The following ANGPT2 variants were observed in gnomAD, a reference collection of about 807,000 sequenced individuals.
ANGPT2 encodes angiopoietin-2.
ANGPT2 carries 28 observed loss-of-function variants against 62.9 expected under a neutral mutation model. The ratio of observed to expected loss-of-function variants is 0.44; its 90% CI spans 0.33 to 0.61. ANGPT2 has a LOEUF of 0.61. Among genes scored for constraint, ANGPT2 ranks in the 20% least tolerant of loss-of-function variants. The pLI is 0.03. For synonymous variants in ANGPT2, 284 were observed against 207.8 expected (o/e 1.37, Z -3.15); for missense variants, 727 against 594.9 (o/e 1.22, Z -2.31).
chr8:6,503,379 C>A, intron 8 of ANGPT2, 118 bp from the exon 9 acceptor site: 10 of 993,664 alleles, frequency 1.0e-5, no homozygotes, highest in Admixed American at 2.0e-5. Flanking sequence ...TAGGCACATG[C>A]AGATGATGGT....
intron 8 of ANGPT2, among the ~76,000 whole-genome samples, chr8:6,504,912 G>T (rs1450825828): frequency 2.0e-5 from 3 of 151,960 alleles, no homozygotes; most frequent in South Asian, 2.1e-4. Context: ...GATAAGGGAG[G>T]ACTGCTGTAA....
intron 1 of ANGPT2, among the ~76,000 whole-genome samples, chr8:6,533,569 C>T (rs369045164): frequency 3.3e-3 from 374 of 113,118 alleles, no homozygotes; most frequent in Non-Finnish European, 3.7e-3. Context: ...CGTTTAGTTT[C>T]TTTTTTTTTT....
At chr8:6,554,632 G>A (rs1449992118) in intron 1 of ANGPT2, among the ~76,000 whole-genome samples, 1 of 152,144 alleles carries the variant, frequency 6.6e-6, no homozygotes, top group African/African-American at 2.4e-5. Flanking sequence ...AATATTTTGT[G>A]GTGGTAAGTT....
chr8:6,547,628 G>T (rs540591173), intron 1 of ANGPT2, among the ~76,000 whole-genome samples: 1 of 152,222 alleles, frequency 6.6e-6, no homozygotes, highest in African/African-American at 2.4e-5. Flanking sequence ...AGGGGCACAT[G>T]TTCCTATCAA....
At chr8:6,537,584 T>A (rs889421218) in intron 1 of ANGPT2, among the ~76,000 whole-genome samples, 4 of 151,492 alleles carry the variant, frequency 2.6e-5, no homozygotes, top group Non-Finnish European at 5.9e-5. Flanking sequence ...ATATATATAT[T>A]TTAGTGCAAA....
At chr8:6,510,808 T>C (rs1368785105) in intron 7 of ANGPT2, among the ~76,000 whole-genome samples, 3 of 152,230 alleles carry the variant, frequency 2.0e-5, no homozygotes, top group Non-Finnish European at 4.4e-5. Flanking sequence ...GTGTTGCTCC[T>C]AAGTGACTTC....
Position 6,514,924 on chromosome 8 carries a change from T to G in ANGPT2, c.928-146A>C, listed in dbSNP as rs1290429252. 6.5e-6 allele frequency: 4 copies of G among 618,552 alleles called. No homozygotes were observed. The East Asian group carries it at 1.0e-4, about 16-fold the overall frequency. 38.3% of individuals were successfully genotyped at this position (618,552 alleles called of 1,614,324 possible). On this transcript the variant is annotated intron_variant, in intron 5 of 8. Transcript: ENST00000629816. ...AAGGCACGGAGTAGACCATCGGGGTTGTCTAAGAAACAGATGGTTTCAAAT... is the reference window on the plus strand; with the variant it reads ...AAGGCACGGAGTAGACCATCGGGGTGGTCTAAGAAACAGATGGTTTCAAAT...
chr8:6,542,361 C>G (rs1478929035), intron 1 of ANGPT2, among the ~76,000 whole-genome samples: 1 of 151,618 alleles, frequency 6.6e-6, no homozygotes, highest in East Asian at 1.9e-4. Context: ...CTCTAAGAAA[C>G]AGACATTCCA....
At chr8:6,549,382 C>T (rs1404199178) in intron 1 of ANGPT2, among the ~76,000 whole-genome samples, 3 of 152,212 alleles carry the variant, frequency 2.0e-5, no homozygotes, top group Non-Finnish European at 2.9e-5. Flanking sequence ...ACATGACATT[C>T]AAAACCTAGC....
chr8:6,539,645 G>A (rs1181352270), intron 1 of ANGPT2, among the ~76,000 whole-genome samples: 2 of 151,984 alleles, frequency 1.3e-5, no homozygotes, highest in Non-Finnish European at 2.9e-5. Context: ...GGAGTGCAGC[G>A]GCGTGATCTT....
At chr8:6,534,577 A>T (rs575925890) in intron 1 of ANGPT2, among the ~76,000 whole-genome samples, 4 of 152,334 alleles carry the variant, frequency 2.6e-5, no homozygotes, top group African/African-American at 9.6e-5. Context: ...CTGAAGCCTT[A>T]GTTTTCCATA....
chr8:6,505,221 ATTC>A (rs1332709643), intron 8 of ANGPT2, among the ~76,000 whole-genome samples: 1 of 68,224 alleles, frequency 1.5e-5, no homozygotes. Flanking sequence ...ATATATATAT[ATTC>A]TTATGTATAT....
At chr8:6,555,788 A>G (rs568495186) in intron 1 of ANGPT2, among the ~76,000 whole-genome samples, 19 of 152,260 alleles carry the variant, frequency 1.2e-4, no homozygotes, top group African/African-American at 4.3e-4. Context: ...TAGTCTTCTG[A>G]ACGATTAAAT....
chr8:6,523,981 G>T (rs1415704368), intron 3 of ANGPT2, among the ~76,000 whole-genome samples: 1 of 151,374 alleles, frequency 6.6e-6, no homozygotes, highest in Non-Finnish European at 1.5e-5. Context: ...TGTGATAATT[G>T]CAGGAAAAGC....
intron 8 of ANGPT2, among the ~76,000 whole-genome samples, chr8:6,504,376 C>T (rs1462408817): frequency 1.3e-5 from 2 of 149,060 alleles, no homozygotes; most frequent in African/African-American, 2.5e-5. Flanking sequence ...TTCTGAGTAA[C>T]GGGATAAAAT....
At chr8:6,536,294 G>T (rs773140218) in intron 1 of ANGPT2, among the ~76,000 whole-genome samples, 3 of 152,102 alleles carry the variant, frequency 2.0e-5, no homozygotes, top group African/African-American at 7.2e-5. Flanking sequence ...GCTGTGTCGG[G>T]ATCCCAGGCG....
intron 2 of ANGPT2, among the ~76,000 whole-genome samples, chr8:6,531,917 A>G (rs934808152): frequency 1.3e-5 from 2 of 152,156 alleles, no homozygotes; most frequent in African/African-American, 2.4e-5. Context: ...TTAACTCAAG[A>G]GTTAGATTTA....
In ANGPT2 at chr8:6,512,201, T is replaced by C. The variant is rs141507601; in HGVS notation, c.1196+1477A>G. Among the ~76,000 whole-genome samples, 196 of 152,336 alleles carry C rather than the reference T, an allele frequency of 1.3e-3. 6 individuals are homozygous for C. The East Asian group carries it at 0.029, about 23-fold the overall frequency. On this transcript the variant is annotated intron_variant, in intron 7 of 8. Coordinates refer to ENST00000629816, the MANE Select transcript of ANGPT2 (RefSeq NM_001118887.2). ...GTTTCTCAAACATGCTTCTGAATTT[T>C]CATCCACTGTTTGTACAGCAGGACA...
At chr8:6,510,646 A>C (rs946282682) in intron 7 of ANGPT2, among the ~76,000 whole-genome samples, 3 of 152,206 alleles carry the variant, frequency 2.0e-5, no homozygotes, top group Non-Finnish European at 2.9e-5. Flanking sequence ...GTCCGAGGTC[A>C]GACTCTTAAG....
Sources: gnomAD v4.1 joint callset for allele counts (sites outside exome capture counted in the v4.1 genomes callset) on GRCh38, gnomAD v4.1.1 for gene constraint, MANE v1.5 for transcripts, NCBI Gene and HGNC (gene_info 2026-07-23, HGNC 2026-07-21) for gene names.